Variants in RORA observed in about 807,000 individuals in gnomAD.
RORA encodes the protein nuclear receptor ROR-alpha.
RORA carries 7 observed loss-of-function variants against 69.5 expected under a neutral mutation model. That is an observed-to-expected ratio of 0.10 (90% CI 0.06 to 0.19). The LOEUF (loss-of-function observed/expected upper bound fraction) is 0.19, where lower values mean the gene tolerates loss of function less well. RORA is among the 10% of genes least tolerant of loss of function. The pLI is 1.00. For missense variants in RORA, 457 were observed against 663.0 expected, an observed-to-expected ratio of 0.69 and a Z score of 3.41; for synonymous variants, 261 against 240.8, an observed-to-expected ratio of 1.08 and a Z score of -0.78.
chr15:60,760,105 T>C (rs535314207), intron 1 of RORA, among the ~76,000 whole-genome samples: 13 of 152,304 alleles, frequency 8.5e-5, no homozygotes, highest in African/African-American at 3.1e-4. Context: ...TAAAAGGTTT[T>C]AATTTACTTC....
rs186296272 is a variant in RORA at position 60,821,227 on chromosome 15, G to C, written c.167-142541C>G. On this transcript the variant is annotated intron_variant, in intron 1 of 10. Transcript: ENST00000335670. ...TCACTGATCATTGGCTGCAGTGTGT[G>C]CTCTACTTAGCCAACTCCCCCTTGC... 4.8e-4 allele frequency among the ~76,000 whole-genome samples: 73 copies of C among 152,284 alleles called. No individual in the cohort carries two copies. The East Asian group carries it at 0.013, about 27-fold the overall frequency.
At chr15:61,167,539 A>G (rs1019892534) in intron 1 of RORA, among the ~76,000 whole-genome samples, 1 of 141,110 alleles carries the variant, frequency 7.1e-6, no homozygotes, top group Non-Finnish European at 1.5e-5. Context: ...AAATTTCTCT[A>G]CAACCAGGAC....
intron 1 of RORA, among the ~76,000 whole-genome samples, chr15:60,944,615 C>T (rs1892807118): frequency 6.8e-6 from 1 of 148,020 alleles, no homozygotes; most frequent in South Asian, 2.1e-4. Flanking sequence ...ATCTCAGCTA[C>T]TTAGGAGGCT....
chr15:61,180,836 C>A (rs1041587036), intron 1 of RORA, among the ~76,000 whole-genome samples: 1 of 152,192 alleles, frequency 6.6e-6, no homozygotes, highest in African/African-American at 2.4e-5. Flanking sequence ...TGGTGGCTCA[C>A]ACCTGTAATC....
intron 1 of RORA, among the ~76,000 whole-genome samples, chr15:60,894,618 T>A (rs561982321): frequency 6.6e-6 from 1 of 152,284 alleles, no homozygotes; most frequent in South Asian, 2.1e-4. Context: ...CTAGTGTGCA[T>A]CAGAATCACC....
intron 1 of RORA, among the ~76,000 whole-genome samples, chr15:60,988,357 G>T (rs1894273251): frequency 6.6e-6 from 1 of 152,144 alleles, no homozygotes; most frequent in Non-Finnish European, 1.5e-5. Context: ...CTAATAGCCA[G>T]GAAGTCACAT....
At chr15:61,174,248 TC>T (rs1190996677) in intron 1 of RORA, among the ~76,000 whole-genome samples, 1 of 151,980 alleles carries the variant, frequency 6.6e-6, no homozygotes, top group Non-Finnish European at 1.5e-5. Context: ...ATCTGTCACG[TC>T]CCCCCTGCCC....
chr15:60,536,724 A>C (rs996771844), intron 2 of RORA, among the ~76,000 whole-genome samples: 1 of 152,272 alleles, frequency 6.6e-6, no homozygotes, highest in Non-Finnish European at 1.5e-5. Flanking sequence ...GCTTGCCAGG[A>C]AACGGCCAAT....
chr15:60,840,990 C>T (rs2073190144), intron 1 of RORA: 1 of 562,846 alleles, frequency 1.8e-6, no homozygotes, highest in South Asian at 7.8e-5. Flanking sequence ...GCGACAATAC[C>T]ACCTCCTTCC....
chr15:60,759,196 C>G (rs1179693750), intron 1 of RORA, among the ~76,000 whole-genome samples: 1 of 152,200 alleles, frequency 6.6e-6, no homozygotes, highest in Non-Finnish European at 1.5e-5. Context: ...AAAATGCACT[C>G]TGCTAAGAAA....
intron 1 of RORA, among the ~76,000 whole-genome samples, chr15:61,168,512 G>C (rs1007783252): frequency 3.3e-5 from 5 of 151,964 alleles, no homozygotes; most frequent in Admixed American, 2.6e-4. Flanking sequence ...GCCCACCTCG[G>C]CCTCCCAAAG....
At chr15:61,140,309 T>C (rs1027634487) in intron 1 of RORA, among the ~76,000 whole-genome samples, 2 of 152,218 alleles carry the variant, frequency 1.3e-5, no homozygotes, top group Non-Finnish European at 2.9e-5. Context: ...GCTTTTAAAG[T>C]AGGTTAAGGA....
chr15:60,826,105 G>A (rs1026274713), intron 1 of RORA, among the ~76,000 whole-genome samples: 2 of 152,180 alleles, frequency 1.3e-5, no homozygotes, highest in Non-Finnish European at 2.9e-5. Flanking sequence ...AGGCCCTATG[G>A]GAAAGGAACA....
chr15:61,105,118 C>T (rs2078934441), intron 1 of RORA, among the ~76,000 whole-genome samples: 1 of 151,706 alleles, frequency 6.6e-6, no homozygotes, highest in East Asian at 1.9e-4. Flanking sequence ...AGCTAGTTAA[C>T]CCTTACTCAT....
intron 1 of RORA, among the ~76,000 whole-genome samples, chr15:60,846,089 C>T (rs17204524): frequency 1.3e-4 from 20 of 152,064 alleles, no homozygotes; most frequent in Admixed American, 6.6e-4. Context: ...CCCTTCAGAC[C>T]CTCTTAATCT....
At chr15:60,717,943 G>A (rs1487720501) in intron 1 of RORA, among the ~76,000 whole-genome samples, 1 of 151,684 alleles carries the variant, frequency 6.6e-6, no homozygotes, top group Non-Finnish European at 1.5e-5. Context: ...GGAATTACAG[G>A]CATGCAGCAC....
At chr15:60,781,256 C>A (rs570469601) in intron 1 of RORA, among the ~76,000 whole-genome samples, 1 of 152,266 alleles carries the variant, frequency 6.6e-6, no homozygotes, top group South Asian at 2.1e-4. Flanking sequence ...ATCTCTGGTG[C>A]CCGCAGCTTT....
At chr15:60,666,566 G>T (rs926166856) in intron 2 of RORA, among the ~76,000 whole-genome samples, 1 of 152,082 alleles carries the variant, frequency 6.6e-6, no homozygotes, top group Non-Finnish European at 1.5e-5. Flanking sequence ...GTCACCTTAA[G>T]AATGTACTGT....
intron 1 of RORA, among the ~76,000 whole-genome samples, chr15:60,886,628 G>A (rs898881621): frequency 6.6e-6 from 1 of 152,182 alleles, no homozygotes; most frequent in Non-Finnish European, 1.5e-5. Context: ...AATATAGACA[G>A]CTTTGATCTC....
Sources: gnomAD v4.1 joint callset for allele counts (sites outside exome capture counted in the v4.1 genomes callset) on GRCh38, gnomAD v4.1.1 for gene constraint, MANE v1.5 for transcripts, NCBI Gene and HGNC (gene_info 2026-07-23, HGNC 2026-07-21) for gene names.